Variants in RUNX2 observed in about 807,000 individuals in gnomAD.
RUNX2 encodes runt-related transcription factor 2.
RUNX2 carries 10 observed loss-of-function variants against 51.7 expected under a neutral mutation model. That is an observed-to-expected ratio of 0.19 (90% confidence interval 0.12 to 0.33). The LOEUF (loss-of-function observed/expected upper bound fraction) is 0.33. Ranked by LOEUF, RUNX2 falls within the 10% of genes least tolerant of loss-of-function variation. The pLI is 1.00. For missense variants in RUNX2, 562 were observed against 691.3 expected (o/e 0.81, Z 2.10); for synonymous variants, 276 against 273.6 (o/e 1.01, Z -0.09).
At chr6:45,518,155 A>G (rs2150426900) in intron 7 of RUNX2, among the ~76,000 whole-genome samples, 1 of 152,356 alleles carries the variant, frequency 6.6e-6, no homozygotes, top group African/African-American at 2.4e-5. Flanking sequence ...TGTTTGGTAG[A>G]CATACTCTGC....
chr6:45,333,076 C>T (rs1193642339), intron 2 of RUNX2, among the ~76,000 whole-genome samples: 2 of 151,630 alleles, frequency 1.3e-5, no homozygotes, highest in Non-Finnish European at 3.0e-5. Flanking sequence ...CTGTCTAAAG[C>T]ATGTGAAAAT....
chr6:45,536,223 C>T (rs1272375182), intron 7 of RUNX2, among the ~76,000 whole-genome samples: 2 of 152,096 alleles, frequency 1.3e-5, no homozygotes, highest in Non-Finnish European at 2.9e-5. Flanking sequence ...AGGAACCCCT[C>T]CCAGGGCATG....
At chr6:45,352,110 T>G (rs1259797965) in intron 2 of RUNX2, among the ~76,000 whole-genome samples, 1 of 152,338 alleles carries the variant, frequency 6.6e-6, no homozygotes, top group African/African-American at 2.4e-5. Flanking sequence ...AAATATTACC[T>G]GACCTTTTTT....
intron 2 of RUNX2, chr6:45,365,119 T>C (rs972532563): frequency 1.1e-5 from 9 of 822,368 alleles, no homozygotes; most frequent in Non-Finnish European, 1.7e-5. Context: ...AGTTAAGTTT[T>C]ATAAATGTTG....
At chr6:45,372,704 G>A (rs1052107908) in intron 2 of RUNX2, among the ~76,000 whole-genome samples, 2 of 152,072 alleles carry the variant, frequency 1.3e-5, no homozygotes, top group African/African-American at 4.8e-5. Context: ...TGTTGCTCAG[G>A]ATGGAGTACA....
intron 5 of RUNX2, among the ~76,000 whole-genome samples, chr6:45,441,308 A>C (rs1028225969): frequency 6.6e-6 from 1 of 152,176 alleles, no homozygotes; most frequent in Non-Finnish European, 1.5e-5. Flanking sequence ...GAACAAGGAC[A>C]AATTCTGGGT....
In RUNX2 at chr6:45,376,572, G is replaced by A. The variant is rs1796804271; in HGVS notation, c.59-46021G>A. ...GAACATCTCCATCAAGGCAGAAACT[G>A]CTAGTGAAAAGTGCAGCCCTAGACT... On this transcript the variant is annotated intron_variant, in intron 2 of 8. Transcript: ENST00000647337. 2.0e-5 allele frequency among the ~76,000 whole-genome samples: 3 copies of A among 152,228 alleles called. No homozygotes were observed. The South Asian group carries it at 6.2e-4, about 32-fold the overall frequency.
At chr6:45,420,891 G>A (rs575958051) in intron 2 of RUNX2, among the ~76,000 whole-genome samples, 1 of 152,260 alleles carries the variant, frequency 6.6e-6, no homozygotes, top group Admixed American at 6.5e-5. Context: ...AGCCAGAGTC[G>A]TGTCTATATA....
rs577798750 is a variant in RUNX2 at position 45,450,495 on chromosome 6, AAGG to A, written c.685+12445_685+12447del. Among the ~76,000 whole-genome samples, 6 of 152,306 alleles carry A rather than the reference AAGG, an allele frequency of 3.9e-5. No homozygotes were observed. The East Asian group carries it at 1.2e-3, about 29-fold the overall frequency. On this transcript the variant is annotated intron_variant, in intron 5 of 8. Coordinates refer to ENST00000647337, the MANE Select transcript of RUNX2 (RefSeq NM_001024630.4). The stretch of plus-strand genomic sequence containing the variant: ...AGGAGCCTACATTCTGTAGAGAAAA[AAGG>A]CAAGAAACAAGTAAACAAACATTTC...
At position 45,328,738 on chromosome 6, in the gene RUNX2, C is replaced by T; in HGVS notation, c.12C>T (p.Asn4=). The change falls in exon 2 of 9, where the codon AAC becomes AAT. Residue 4 remains asparagine, a synonymous_variant. Coordinates refer to ENST00000647337, the MANE Select transcript of RUNX2 (RefSeq NM_001024630.4). ...AAAAAGGAGGGACTATGGCATCAAA[C>T]AGCCTCTTCAGCACAGTGACACCAT... The part of the protein sequence containing the change: MAS[N]SLFSTVTPCQ... The T allele has an allele frequency of 6.2e-7, 1 of 1,612,050 alleles. No homozygotes were observed. Among genetic ancestry groups the T allele is most frequent in the African/African-American group, 1.3e-5 (1 of 74,898 alleles).
intron 5 of RUNX2, among the ~76,000 whole-genome samples, chr6:45,464,495 A>T (rs1799568530): frequency 6.6e-6 from 1 of 152,096 alleles, no homozygotes; most frequent in South Asian, 2.1e-4. Context: ...CTTCTTTTTG[A>T]TAAGTGTCAG....
chr6:45,333,887 G>A (rs902488107), intron 2 of RUNX2, among the ~76,000 whole-genome samples: 2 of 151,110 alleles, frequency 1.3e-5, no homozygotes, highest in Non-Finnish European at 3.0e-5. Context: ...AAAGATAAAT[G>A]TTTACCTTGA....
intron 4 of RUNX2, among the ~76,000 whole-genome samples, 158 bp from the exon 5 acceptor site, chr6:45,437,789 G>A (rs533972644): frequency 4.6e-5 from 7 of 152,282 alleles, no homozygotes; most frequent in South Asian, 2.1e-4. Context: ...AGTGGTCATC[G>A]GAGGGTTTCC....
intron 5 of RUNX2, among the ~76,000 whole-genome samples, chr6:45,486,774 C>G (rs1172830741): frequency 2.0e-5 from 3 of 152,196 alleles, no homozygotes; most frequent in African/African-American, 7.2e-5. Context: ...AGCCACGTAG[C>G]TCTCCGAAGT....
At chr6:45,453,326 G>A (rs577403715) in intron 5 of RUNX2, among the ~76,000 whole-genome samples, 7 of 152,248 alleles carry the variant, frequency 4.6e-5, no homozygotes, top group African/African-American at 9.6e-5. Flanking sequence ...TCTCAAACAC[G>A]TTGCTATAGG....
At chr6:45,361,333 C>T (rs183644564) in intron 2 of RUNX2, among the ~76,000 whole-genome samples, 22 of 152,052 alleles carry the variant, frequency 1.4e-4, no homozygotes, top group African/African-American at 2.9e-4. Flanking sequence ...TTTTTAAAAA[C>T]GTGGTGACAT....
chr6:45,455,146 C>T (rs1481574994), intron 5 of RUNX2, among the ~76,000 whole-genome samples: 2 of 152,150 alleles, frequency 1.3e-5, no homozygotes, highest in African/African-American at 4.8e-5. Flanking sequence ...TCTCACCGTT[C>T]TCCTCCACAT....
At chr6:45,491,588 A>G (rs1282279214) in intron 5 of RUNX2, among the ~76,000 whole-genome samples, 4 of 151,100 alleles carry the variant, frequency 2.6e-5, no homozygotes, top group Non-Finnish European at 4.4e-5. Context: ...ATCATGAAAC[A>G]AGCAAACACC....
At chr6:45,542,628 T>G (rs775767075) in intron 7 of RUNX2, among the ~76,000 whole-genome samples, 17 of 152,186 alleles carry the variant, frequency 1.1e-4, no homozygotes, top group Non-Finnish European at 1.2e-4. Flanking sequence ...ATTAATAATA[T>G]CCCAAAGATA....
Sources: allele counts gnomAD v4.1 joint callset (sites outside exome capture counted in the v4.1 genomes callset), GRCh38; gene constraint gnomAD v4.1.1; transcripts MANE v1.5; gene names NCBI Gene and HGNC (gene_info 2026-07-23, HGNC 2026-07-21).